The following MGAT5B variants were observed in gnomAD, a reference collection of about 807,000 sequenced individuals.
MGAT5B encodes N-acetylglucosaminyl-transferase Vb.
A neutral mutation model predicts 95.1 loss-of-function variants in MGAT5B; 54 were observed. That is an observed-to-expected ratio of 0.57 (90% confidence interval 0.46 to 0.71). The LOEUF (loss-of-function observed/expected upper bound fraction) is 0.71, where lower values mean the gene tolerates loss of function less well. Ranked by LOEUF, MGAT5B falls within the 30% of genes least tolerant of loss-of-function variation. MGAT5B has a pLI of 0.00. For synonymous variants in MGAT5B, 464 were observed against 451.0 expected (o/e 1.03, Z -0.36); for missense variants, 935 against 1,088.6 (o/e 0.86, Z 1.99).
intron 3 of MGAT5B, among the ~76,000 whole-genome samples, chr17:76,897,659 CACTTTCTTTCTTTCTTTCTTTCTTTCTT>C (rs1335414735): frequency 0.011 from 1,190 of 108,936 alleles, 34 homozygotes; most frequent in African/African-American, 0.028. Context: ...CAAGTAAGGC[CACTTTCTTTCTTTCTTTCTTTCTTTCTT>C]TCTTTCTTTC....
At chr17:76,936,014 G>A (rs1325724309) in intron 12 of MGAT5B, among the ~76,000 whole-genome samples, 1 of 147,834 alleles carries the variant, frequency 6.8e-6, no homozygotes, top group African/African-American at 2.5e-5. Flanking sequence ...TTGCCCATTC[G>A]GGTCGCAAAC....
intron 6 of MGAT5B, among the ~76,000 whole-genome samples, chr17:76,904,633 G>T (rs535947435): frequency 6.6e-6 from 1 of 152,358 alleles, no homozygotes; most frequent in East Asian, 1.9e-4. Context: ...GGGCCTGTTT[G>T]CAGGGCAGGT....
rs570914332 is a variant in MGAT5B, at chr17:76,915,447, C to T, written c.1025+9260C>T. On this transcript the variant is annotated intron_variant, in intron 8 of 17. Transcript: ENST00000569840. This position sits in a 1 kb window ranked among gnomAD's most constrained non-coding sequence, Gnocchi z 8.7. The stretch of plus-strand genomic sequence containing the variant: ...AGCCAGGTGGAGGCAGCGGGAGACG[C>T]GAGGAAGTGGACAAGACCGAAAAAC... 1.1e-3 allele frequency among the ~76,000 whole-genome samples: 170 copies of T among 152,016 alleles called. No individual in the cohort carries two copies. In the Middle Eastern group the frequency reaches 0.014, roughly 12 times the overall value.
Position 76,915,330 on chromosome 17 carries a change from T to TG in MGAT5B, c.1025+9149dup, listed in dbSNP as rs1212645857. ...AGGGTATACTGTAAATGCAGCGGGGTGGGGGGCCTGGGCTGGGGGCCGGGG... is the reference window on the plus strand; with the variant it reads ...AGGGTATACTGTAAATGCAGCGGGGTGGGGGGGCCTGGGCTGGGGGCCGGGG... On this transcript the variant is annotated intron_variant, in intron 8 of 17. Coordinates refer to ENST00000569840, the MANE Select transcript of MGAT5B (RefSeq NM_001199172.2). The surrounding 1 kb of genome is among the most constrained non-coding windows in gnomAD (Gnocchi z 8.7). 3.4e-5 allele frequency among the ~76,000 whole-genome samples: 2 copies of TG among 59,564 alleles called. No individual in the cohort carries two copies. The highest frequency in any genetic ancestry group is 6.3e-5 in the African/African-American group (1 of 15,792). 39.1% of individuals were successfully genotyped at this position (59,564 alleles called of 152,430 possible). A position where few individuals can be genotyped will look rare whatever the true frequency, so the allele number is the denominator to read the frequency against.
intron 10 of MGAT5B, among the ~76,000 whole-genome samples, chr17:76,929,236 G>A (rs1969410359): frequency 6.6e-6 from 1 of 152,134 alleles, no homozygotes. Flanking sequence ...AAGCAGGGAG[G>A]AGGGGGAAGC....
intron 11 of MGAT5B, 56 bp downstream of exon 11, chr17:76,932,831 C>T (rs1969537291): frequency 6.3e-7 from 1 of 1,595,488 alleles, no homozygotes; most frequent in African/African-American, 1.4e-5. Context: ...AGGCCCCCGC[C>T]TGGGTCCCGC....
chr17:76,898,850 G>A (rs936443631), intron 3 of MGAT5B, among the ~76,000 whole-genome samples: 3 of 152,172 alleles, frequency 2.0e-5, no homozygotes, highest in East Asian at 3.8e-4. Context: ...ACATTCTGAA[G>A]TTCCAGCTGG....
Position 76,948,942 on chromosome 17 carries a change from C to T in MGAT5B, c.*104C>T, listed in dbSNP as rs199841923. The T allele has an allele frequency of 1.6e-4, 208 of 1,273,092 alleles. 1 individual carries two copies. In the East Asian group the frequency reaches 5.2e-3, roughly 32 times the overall value. The allele number at this position is 1,273,092 out of a possible 1,614,324, so 78.9% of individuals were successfully genotyped here. On this transcript the variant is annotated 3_prime_UTR_variant, in exon 18 of 18. Transcript: ENST00000569840. ...CTGGCTGCTTGTCCTCCTCGCAACC[C>T]CCCCAGGCCGGAGCTTCCTTCCTTA...
Position 76,903,291 on chromosome 17 carries a change from C to T in MGAT5B, c.446-12C>T, listed in dbSNP as rs567207. 0.097 allele frequency: 155,137 copies of T among 1,603,578 alleles called. 9,608 individuals are homozygous for T. The highest frequency in any genetic ancestry group is 0.26 in the Admixed American group (15,550 of 59,060). On this transcript the variant is annotated splice_polypyrimidine_tract_variant and intron_variant, in intron 4 of 17. Transcript: ENST00000569840. ...GGACCAGGGACTTCAGCAAGGTGAC[C>T]TCTCCCTACAGTGTCAGAAGGCCGG... is the stretch of plus-strand genomic sequence containing the variant.
intron 3 of MGAT5B, among the ~76,000 whole-genome samples, chr17:76,900,271 C>G (rs971530475): frequency 5.3e-5 from 8 of 152,198 alleles, no homozygotes; most frequent in Non-Finnish European, 1.2e-4. Flanking sequence ...AAGCAGGTAG[C>G]TTTTACGTCT....
intron 9 of MGAT5B, 58 bp downstream of exon 9, chr17:76,925,155 C>G (rs1239255760): frequency 4.8e-5 from 77 of 1,601,432 alleles, no homozygotes; most frequent in Non-Finnish European, 6.2e-5. Context: ...GAAAGCTCCT[C>G]CTTCACGCCC....
intron 8 of MGAT5B, among the ~76,000 whole-genome samples, chr17:76,919,051 G>A (rs1969038683): frequency 6.6e-6 from 1 of 152,222 alleles, no homozygotes; most frequent in Non-Finnish European, 1.5e-5. Flanking sequence ...ACATGTGGAG[G>A]CGGACACCAG....
intron 12 of MGAT5B, among the ~76,000 whole-genome samples, chr17:76,934,756 C>A (rs1969599753): frequency 1.3e-5 from 2 of 152,200 alleles, no homozygotes; most frequent in South Asian, 4.1e-4. Context: ...CCGAGGCAAT[C>A]CTGTTCAGCT....
intron 3 of MGAT5B, among the ~76,000 whole-genome samples, chr17:76,884,371 G>T (rs1006462131): frequency 6.6e-6 from 1 of 152,182 alleles, no homozygotes; most frequent in African/African-American, 2.4e-5. Flanking sequence ...CTTGATGATT[G>T]ATTCAATATG....
intron 3 of MGAT5B, among the ~76,000 whole-genome samples, chr17:76,900,898 CATGTGTGTGT>C (rs1248701213): frequency 1.5e-5 from 2 of 129,408 alleles, no homozygotes; most frequent in African/African-American, 7.4e-5. Context: ...CATGTGTGTG[CATGTGTGTGT>C]GTGCGTGTGT....
chr17:76,930,746 C>T lies in MGAT5B; in HGVS notation c.1292-1899C>T, dbSNP rs7220584. On this transcript the variant is annotated intron_variant, in intron 10 of 17. Coordinates refer to ENST00000569840, the MANE Select transcript of MGAT5B (RefSeq NM_001199172.2). The surrounding 1 kb of genome is among the most constrained non-coding windows in gnomAD (Gnocchi z 4.1). ...CCTTATGGACAAATAAGTCAAATGG[C>T]GAGGAAATCCCGGGGCAATCCCTGC... Among the ~76,000 whole-genome samples the T allele has an allele frequency of 0.27, 41,195 of 151,996 alleles. 5,765 individuals are homozygous for T. The highest frequency in any genetic ancestry group is 0.38 in the East Asian group (1,938 of 5,144).
Position 76,948,026 on chromosome 17 carries a change from A to G in MGAT5B, c.2120A>G (p.His707Arg), listed in dbSNP as rs1970088819. The stretch of plus-strand genomic sequence containing the variant: ...GCCTGCACCGACACCTGCCTGGACC[A>G]CGGGCTAATCTGTGAGCCCTCCTTC... Reference protein sequence around the residue: ...GRACTDTCLDHGLICEPSFFP... With the variant: ...GRACTDTCLDRGLICEPSFFP... Residue 707 changes from histidine (H) to arginine (R), a missense_variant, in exon 17 of 18, where the codon CAC becomes CGC. Around this residue, in one of 4 missense-constraint regions of MGAT5B, gnomAD observed 440 missense variants for 523.6 expected, o/e 0.84. Coordinates refer to ENST00000569840, the MANE Select transcript of MGAT5B (RefSeq NM_001199172.2). 1.9e-6 allele frequency: 3 copies of G among 1,613,234 alleles called. No individual in the cohort carries two copies. Among genetic ancestry groups the G allele is most frequent in the Admixed American group, 1.7e-5 (1 of 59,952 alleles).
intron 15 of MGAT5B, among the ~76,000 whole-genome samples, chr17:76,941,676 A>G (rs937515902): frequency 7.2e-5 from 11 of 152,198 alleles, no homozygotes; most frequent in African/African-American, 2.2e-4. Context: ...CCTGGCCAAC[A>G]TGGCAGGTTT....
At chr17:76,904,535 G>A (rs114165979) in intron 6 of MGAT5B, 113 bp downstream of exon 6, 10 of 1,254,858 alleles carry the variant, frequency 8.0e-6, no homozygotes, top group East Asian at 5.1e-5. Flanking sequence ...CTTGCCAGGT[G>A]TGTGGGCAGG....
Sources: allele counts gnomAD v4.1 joint callset (sites outside exome capture counted in the v4.1 genomes callset), GRCh38; gene constraint gnomAD v4.1.1; regional missense constraint gnomAD v4.1.1; non-coding constraint Gnocchi (gnomAD v3.1); transcripts MANE v1.5; gene names NCBI Gene and HGNC (gene_info 2026-07-23, HGNC 2026-07-21).